TPRG1: variants seen among roughly 807,000 people sequenced by gnomAD.
The protein encoded by TPRG1 is tumor protein p63 regulated 1.
Under a neutral mutation model 29.3 loss-of-function variants are expected in TPRG1, and 29 were observed. The ratio of observed to expected loss-of-function variants is 0.99; its 90% CI spans 0.74 to 1.35. The LOEUF (loss-of-function observed/expected upper bound fraction) is 1.35. Ranked by LOEUF, TPRG1 falls within the 40% of genes most tolerant of loss-of-function variation. TPRG1 has a pLI of 0.00. For synonymous variants in TPRG1, 130 were observed against 116.8 expected (o/e 1.11, Z -0.73); for missense variants, 327 against 335.0 (o/e 0.98, Z 0.19).
intron 3 of TPRG1, among the ~76,000 whole-genome samples, chr3:189,233,159 A>AGT (rs1234383998): frequency 8.3e-6 from 1 of 120,276 alleles, no homozygotes; most frequent in Non-Finnish European, 1.7e-5. Context: ...ACCTCTACTG[A>AGT]GTGTGTATGT....
chr3:189,211,143 GC>G (rs1384610716), intron 2 of TPRG1, among the ~76,000 whole-genome samples: 1 of 151,920 alleles, frequency 6.6e-6, no homozygotes, highest in Non-Finnish European at 1.5e-5. Context: ...GGGATTATAT[GC>G]CAACTATTAT....
chr3:189,161,323 G>A lies in TPRG1; in HGVS notation c.-10+10451G>A, dbSNP rs115551978. The stretch of plus-strand genomic sequence containing the variant: ...AGCTTCAGAACTGGACTATCTTTGC[G>A]GCCTTGGGGCAAGTTATTCACTTGT... On this transcript the variant is annotated intron_variant, in intron 5 of 6. Coordinates refer to the TPRG1 transcript ENST00000412373. Among the ~76,000 whole-genome samples the A allele has an allele frequency of 7.1e-3, 1,081 of 152,222 alleles. 11 individuals carry two copies. The highest frequency in any genetic ancestry group is 0.024 in the African/African-American group (1,003 of 41,520).
intron 4 of TPRG1, among the ~76,000 whole-genome samples, chr3:189,271,801 A>G (rs1414745812): frequency 6.6e-6 from 1 of 152,242 alleles, no homozygotes. Context: ...TGGGAACCAA[A>G]CAAGTGTGGA....
chr3:189,084,331 C>T (rs183659344), intron 4 of TPRG1, among the ~76,000 whole-genome samples: 34 of 152,168 alleles, frequency 2.2e-4, no homozygotes, highest in South Asian at 2.1e-3. Context: ...ATGAGCTTGT[C>T]AAGGGGTCTT....
intron 3 of TPRG1, chr3:189,219,582 G>C (rs1426770893): frequency 7.8e-7 from 1 of 1,282,438 alleles, no homozygotes; most frequent in African/African-American, 1.5e-5. Context: ...GATCCATTAA[G>C]CCAGCACCAA....
At chr3:189,206,845 G>C (rs1233207019) in intron 1 of TPRG1, among the ~76,000 whole-genome samples, 1 of 146,154 alleles carries the variant, frequency 6.8e-6, no homozygotes, top group East Asian at 2.2e-4. Context: ...GTGTATGCAT[G>C]TGCGTGTGTG....
chr3:189,119,271 G>A (rs1721546688), intron 1 of TPRG1, among the ~76,000 whole-genome samples: 1 of 152,182 alleles, frequency 6.6e-6, no homozygotes, highest in Non-Finnish European at 1.5e-5. Context: ...CATGTAGAAT[G>A]GGTGTATTTA....
intron 4 of TPRG1, among the ~76,000 whole-genome samples, chr3:189,247,614 G>T (rs1741552132): frequency 6.6e-6 from 1 of 151,878 alleles, no homozygotes; most frequent in African/African-American, 2.4e-5. Flanking sequence ...TTGGCAAAGT[G>T]GGGAGTGGAA....
chr3:189,282,224 A>AAAAAAT (rs2109142955), intron 4 of TPRG1, among the ~76,000 whole-genome samples: 1 of 151,298 alleles, frequency 6.6e-6, no homozygotes, highest in African/African-American at 2.4e-5. Context: ...CCAAAAAAAA[A>AAAAAAT]AAAAAAAAGG....
intron 4 of TPRG1, among the ~76,000 whole-genome samples, chr3:189,024,544 T>G (rs1227410965): frequency 6.6e-6 from 1 of 152,208 alleles, no homozygotes; most frequent in Non-Finnish European, 1.5e-5. Context: ...TGTGGCGATG[T>G]TCTGGTGAAG....
chr3:189,179,506 C>T (rs900445444), intron 1 of TPRG1, among the ~76,000 whole-genome samples: 5 of 152,198 alleles, frequency 3.3e-5, no homozygotes, highest in South Asian at 2.1e-4. Flanking sequence ...GACAGCTCAG[C>T]GTGACTTTCT....
At chr3:189,010,110 C>G (rs1415604407) in intron 3 of TPRG1, among the ~76,000 whole-genome samples, 6 of 152,136 alleles carry the variant, frequency 3.9e-5, no homozygotes, top group Non-Finnish European at 8.8e-5. Flanking sequence ...CATGTCCCTG[C>G]AAAGGACATG....
intron 4 of TPRG1, among the ~76,000 whole-genome samples, chr3:189,084,617 G>T (rs1047717964): frequency 1.3e-5 from 2 of 152,204 alleles, no homozygotes; most frequent in Non-Finnish European, 2.9e-5. Context: ...AGAATCTAGA[G>T]AAAGCTATTC....
intron 4 of TPRG1, among the ~76,000 whole-genome samples, chr3:189,055,911 A>G (rs1170335204): frequency 6.6e-6 from 1 of 151,476 alleles, no homozygotes; most frequent in African/African-American, 2.4e-5. Context: ...CTACCTTTCT[A>G]TATGCTGTTT....
intron 4 of TPRG1, among the ~76,000 whole-genome samples, chr3:189,076,581 G>T (rs969808046): frequency 6.6e-6 from 1 of 151,534 alleles, no homozygotes; most frequent in African/African-American, 2.4e-5. Flanking sequence ...TGGGCTCATC[G>T]CCATGAGCAG....
intron 4 of TPRG1, among the ~76,000 whole-genome samples, chr3:189,281,839 C>T (rs1000893774): frequency 6.6e-6 from 1 of 152,018 alleles, no homozygotes; most frequent in East Asian, 1.9e-4. Flanking sequence ...AAACCAGCTC[C>T]CAGAAAAGAC....
chr3:189,172,410 A>T (rs1004898982), intron 1 of TPRG1, among the ~76,000 whole-genome samples: 1 of 152,104 alleles, frequency 6.6e-6, no homozygotes, highest in Non-Finnish European at 1.5e-5. Context: ...GTGCAGTAGG[A>T]TGGGTATAAT....
intron 1 of TPRG1, among the ~76,000 whole-genome samples, chr3:189,174,314 G>C (rs1180043674): frequency 1.3e-5 from 2 of 152,162 alleles, no homozygotes; most frequent in Non-Finnish European, 2.9e-5. Context: ...AAAAAATCCA[G>C]ATATCTTGTT....
intron 3 of TPRG1, among the ~76,000 whole-genome samples, chr3:189,226,714 A>G (rs1737778877): frequency 6.6e-6 from 1 of 150,858 alleles, no homozygotes; most frequent in Admixed American, 6.6e-5. Context: ...AAAAAAACCG[A>G]AAGAACTATA....
Sources: gnomAD v4.1 joint callset for allele counts (sites outside exome capture counted in the v4.1 genomes callset) on GRCh38, gnomAD v4.1.1 for gene constraint, MANE v1.5 for transcripts, NCBI Gene and HGNC (gene_info 2026-07-23, HGNC 2026-07-21) for gene names.